The following MSL2 variants were observed in gnomAD, a reference collection of about 807,000 sequenced individuals.
The protein encoded by MSL2 is MSL complex subunit 2.
A neutral mutation model predicts 35.8 loss-of-function variants in MSL2; 2 were observed. The ratio of observed to expected loss-of-function variants is 0.06; its 90% CI spans 0.02 to 0.18. The LOEUF is 0.18. MSL2 is among the 10% of genes least tolerant of loss of function. The pLI is 1.00. For missense variants in MSL2, 523 were observed against 706.7 expected (o/e 0.74, Z 2.95); for synonymous variants, 296 against 255.7 (o/e 1.16, Z -1.50).
chr3:136,194,045 T>A (rs761380241), intron 1 of MSL2, among the ~76,000 whole-genome samples: 3 of 152,216 alleles, frequency 2.0e-5, no homozygotes, highest in Non-Finnish European at 4.4e-5. Flanking sequence ...GTGCCTGAAT[T>A]TCCCAGGTTC....
intron 1 of MSL2, among the ~76,000 whole-genome samples, chr3:136,185,301 T>TAA (rs10571267): frequency 1.0e-4 from 11 of 107,066 alleles, no homozygotes; most frequent in South Asian, 2.9e-4. Flanking sequence ...TTAACAAAGC[T>TAA]AAAAAAAAAA....
chr3:136,177,308 G>T (rs1291686713), intron 1 of MSL2, among the ~76,000 whole-genome samples: 1 of 152,072 alleles, frequency 6.6e-6, no homozygotes, highest in Non-Finnish European at 1.5e-5. Context: ...ATAATCATAT[G>T]CCAGAAAAAT....
intron 1 of MSL2, among the ~76,000 whole-genome samples, chr3:136,177,680 T>TAAAAAAAAA (rs397738424): frequency 1.3e-5 from 1 of 78,502 alleles, no homozygotes; most frequent in African/African-American, 5.5e-5. Context: ...CTCCGTCTCA[T>TAAAAAAAAA]AAAAAAAAAA....
chr3:136,158,505 C>G (rs571916344), intron 1 of MSL2, among the ~76,000 whole-genome samples: 4 of 152,174 alleles, frequency 2.6e-5, no homozygotes, highest in African/African-American at 9.6e-5. Context: ...CTAAAGCCAA[C>G]TTTACTTAAA....
intron 1 of MSL2, among the ~76,000 whole-genome samples, chr3:136,191,100 C>A (rs992249343): frequency 1.3e-5 from 2 of 152,162 alleles, no homozygotes; most frequent in African/African-American, 4.8e-5. Flanking sequence ...CCATTGTCTA[C>A]TGTGCAAAGG....
intron 1 of MSL2, among the ~76,000 whole-genome samples, chr3:136,164,238 G>A (rs1939780644): frequency 6.6e-6 from 1 of 152,150 alleles, no homozygotes; most frequent in African/African-American, 2.4e-5. Flanking sequence ...GAATAATCCA[G>A]CTAATATGTT....
At position 136,181,851 on chromosome 3, in the gene MSL2, G is replaced by A. The variant is rs186201889; in HGVS notation, c.142+13121C>T. On this transcript the variant is annotated intron_variant, in intron 1 of 1. Coordinates refer to ENST00000309993, the MANE Select transcript of MSL2 (RefSeq NM_018133.4). ...GAAGAACTGCTGGAACCCAGGAGAC[G>A]AAGGTTGCAGTGAGCCAACACAGTG... 3.3e-3 allele frequency among the ~76,000 whole-genome samples: 508 copies of A among 152,044 alleles called. 3 individuals carry two copies. The highest frequency in any genetic ancestry group is 4.7e-3 in the Non-Finnish European group (319 of 67,984).
Position 136,193,536 on chromosome 3 carries a change from C to T in MSL2, c.142+1436G>A, listed in dbSNP as rs1416772162. 2.6e-5 allele frequency among the ~76,000 whole-genome samples: 4 copies of T among 151,676 alleles called. No individual in the cohort carries two copies. In the East Asian group the frequency reaches 7.7e-4, roughly 29 times the overall value. On this transcript the variant is annotated intron_variant, in intron 1 of 1. Transcript: ENST00000309993. ...AAGTATATGGAGAAGGAAGTTATGGCAGCTCCATTTCCTCAGTCCTCAAAC... is the reference window on the plus strand; with the variant it reads ...AAGTATATGGAGAAGGAAGTTATGGTAGCTCCATTTCCTCAGTCCTCAAAC...
intron 1 of MSL2, among the ~76,000 whole-genome samples, chr3:136,154,337 T>A (rs1025779024): frequency 2.0e-5 from 3 of 152,154 alleles, no homozygotes; most frequent in African/African-American, 4.8e-5. Flanking sequence ...TACAGTATAA[T>A]GAAGTAGTCC....
chr3:136,187,736 T>C (rs1335739351), intron 1 of MSL2, among the ~76,000 whole-genome samples: 2 of 152,046 alleles, frequency 1.3e-5, no homozygotes, highest in East Asian at 3.9e-4. Flanking sequence ...GTTGTATCAC[T>C]ATCCTACTTA....
chr3:136,181,882 G>A (rs560602364), intron 1 of MSL2, among the ~76,000 whole-genome samples: 1 of 151,768 alleles, frequency 6.6e-6, no homozygotes, highest in Non-Finnish European at 1.5e-5. Context: ...CAGTGTCACT[G>A]CACTCCAGCC....
At chr3:136,156,461 A>G (rs1939525098) in intron 1 of MSL2, among the ~76,000 whole-genome samples, 1 of 152,202 alleles carries the variant, frequency 6.6e-6, no homozygotes, top group Non-Finnish European at 1.5e-5. Flanking sequence ...CATCTACAGA[A>G]AGCTATATAA....
intron 1 of MSL2, among the ~76,000 whole-genome samples, chr3:136,177,538 G>A (rs146948805): frequency 1.3e-5 from 2 of 152,114 alleles, no homozygotes; most frequent in Non-Finnish European, 2.9e-5. Flanking sequence ...AATTAGCCGG[G>A]CATGGTGGTG....
At chr3:136,184,590 G>T (rs570046956) in intron 1 of MSL2, among the ~76,000 whole-genome samples, 1 of 152,140 alleles carries the variant, frequency 6.6e-6, no homozygotes, top group African/African-American at 2.4e-5. Flanking sequence ...ACGACAGAGC[G>T]AGACTCCGTC....
chr3:136,159,685 A>T (rs576180846), intron 1 of MSL2, among the ~76,000 whole-genome samples: 1 of 152,026 alleles, frequency 6.6e-6, no homozygotes, highest in South Asian at 2.1e-4. Context: ...GAGTATTTTC[A>T]ACATACCATG....
At chr3:136,193,034 C>T (rs868124551) in intron 1 of MSL2, among the ~76,000 whole-genome samples, 1 of 152,124 alleles carries the variant, frequency 6.6e-6, no homozygotes, top group Non-Finnish European at 1.5e-5. Flanking sequence ...GCAGAACTCA[C>T]GATCTTTTCC....
chr3:136,159,840 C>A (rs543562815), intron 1 of MSL2, among the ~76,000 whole-genome samples: 62 of 152,112 alleles, frequency 4.1e-4, no homozygotes, highest in African/African-American at 1.5e-3. Context: ...AGAAGAAAAT[C>A]TTTGTAACTT....
chr3:136,160,508 G>C (rs1046396391), intron 1 of MSL2, among the ~76,000 whole-genome samples: 2 of 149,684 alleles, frequency 1.3e-5, no homozygotes, highest in Admixed American at 6.7e-5. Context: ...TCAGGAGTTC[G>C]AGACCAGCCT....
chr3:136,156,104 G>C (rs1687625351), intron 1 of MSL2: 1 of 215,708 alleles, frequency 4.6e-6, no homozygotes, highest in African/African-American at 2.3e-5. Context: ...CACTGTGCTG[G>C]AGTCCAGTAT....
Sources: gnomAD v4.1 joint callset for allele counts (sites outside exome capture counted in the v4.1 genomes callset) on GRCh38, gnomAD v4.1.1 for gene constraint, MANE v1.5 for transcripts, NCBI Gene and HGNC (gene_info 2026-07-23, HGNC 2026-07-21) for gene names.